The following SYCP2 variants were observed in gnomAD, a reference collection of about 807,000 sequenced individuals.
The protein encoded by SYCP2 is synaptonemal complex lateral element protein.
SYCP2 carries 55 observed loss-of-function variants against 211.3 expected under a neutral mutation model. The observed-to-expected ratio is 0.26, with a 90% CI of 0.21 to 0.33. The LOEUF (loss-of-function observed/expected upper bound fraction) is 0.33. Among genes scored for constraint, SYCP2 ranks in the 10% least tolerant of loss-of-function variants. SYCP2 has a pLI of 1.00. For missense variants in SYCP2, 1,731 were observed against 1,752.0 expected (o/e 0.99, Z 0.21); for synonymous variants, 570 against 555.2 (o/e 1.03, Z -0.37).
chr20:59,922,877 T>C (rs2060567375), intron 2 of SYCP2, among the ~76,000 whole-genome samples: 1 of 151,642 alleles, frequency 6.6e-6, no homozygotes, highest in Non-Finnish European at 1.5e-5. Flanking sequence ...AATATGCAGA[T>C]ATACTAACAA....
intron 2 of SYCP2, among the ~76,000 whole-genome samples, chr20:59,926,314 G>A (rs187586004): frequency 1.3e-4 from 20 of 152,142 alleles, no homozygotes; most frequent in East Asian, 9.7e-4. Context: ...GAGGCAAGAC[G>A]TCTAAAGTAA....
chr20:59,868,358 A>G (rs773500792), intron 38 of SYCP2, 55 bp downstream of exon 38: 10 of 1,561,496 alleles, frequency 6.4e-6, no homozygotes, highest in Non-Finnish European at 7.8e-6. Context: ...CATTCAAAAT[A>G]TAAGAACCAC....
At chr20:59,885,844 T>C (rs1451319957) in intron 26 of SYCP2, 84 bp downstream of exon 26, 11 of 1,044,964 alleles carry the variant, frequency 1.1e-5, no homozygotes, top group Non-Finnish European at 1.4e-5. Flanking sequence ...TCAAATTCCA[T>C]TTTACCACTA....
In SYCP2 at chr20:59,915,141, T is replaced by C. The variant is rs200482405; in HGVS notation, c.634+24A>G. On this transcript the variant is annotated intron_variant, in intron 10 of 44. Transcript: ENST00000357552. The stretch of plus-strand genomic sequence containing the variant: ...GCTATTCATAAATATGGAATAATTT[T>C]AGATTTGGAAAAGACATACTTACCT... 66 of 1,457,120 alleles carry C rather than the reference T, an allele frequency of 4.5e-5. 1 individual carries two copies. In the East Asian group the frequency reaches 1.1e-3, roughly 24 times the overall value. 90.3% of individuals were successfully genotyped at this position (1,457,120 alleles called of 1,614,324 possible).
intron 15 of SYCP2, among the ~76,000 whole-genome samples, chr20:59,906,305 C>T (rs185594411): frequency 5.4e-4 from 82 of 152,178 alleles, no homozygotes; most frequent in African/African-American, 1.9e-3. Flanking sequence ...AGACTAACCA[C>T]AAATCTACCA....
At chr20:59,920,038 A>C (rs2060512176) in intron 5 of SYCP2, among the ~76,000 whole-genome samples, 1 of 151,712 alleles carries the variant, frequency 6.6e-6, no homozygotes, top group Non-Finnish European at 1.5e-5. Flanking sequence ...GACAAAAATC[A>C]ATACCCTACA....
chr20:59,926,917 T>C (rs1452790432), intron 2 of SYCP2, among the ~76,000 whole-genome samples: 1 of 152,160 alleles, frequency 6.6e-6, no homozygotes, highest in African/African-American at 2.4e-5. Flanking sequence ...CTTGCTGAAA[T>C]ATTTTCTCCA....
At chr20:59,926,382 C>T (rs2060634808) in intron 2 of SYCP2, among the ~76,000 whole-genome samples, 1 of 151,992 alleles carries the variant, frequency 6.6e-6, no homozygotes, top group Non-Finnish European at 1.5e-5. Flanking sequence ...CTTTAAGCTT[C>T]TGGTAGCTGC....
chr20:59,868,258 T>TA (rs1246577367), intron 38 of SYCP2, among the ~76,000 whole-genome samples, 155 bp downstream of exon 38: 2 of 151,826 alleles, frequency 1.3e-5, no homozygotes, highest in African/African-American at 4.8e-5. Flanking sequence ...CTACAACAAT[T>TA]ATTCATATAA....
At position 59,911,847 on chromosome 20, in the gene SYCP2, TAATAA is replaced by T. The variant is rs1192782267; in HGVS notation, c.877-7_877-3del. Reference sequence around the variant, plus strand: ...TTTTTCATCTGATGGTATTTGCAGCTAATAAAATAAACATACAAAACTGGAATATA... The same window carrying T: ...TTTTTCATCTGATGGTATTTGCAGCTAATAAACATACAAAACTGGAATATA... On this transcript the variant is annotated splice_polypyrimidine_tract_variant and splice_region_variant and intron_variant, in intron 13 of 44. Coordinates refer to ENST00000357552, the MANE Select transcript of SYCP2 (RefSeq NM_014258.4). 1 of 1,516,996 alleles carries T rather than the reference TAATAA, an allele frequency of 6.6e-7. No individual in the cohort carries two copies. Among genetic ancestry groups the T allele is most frequent in the Non-Finnish European group, 9.0e-7 (1 of 1,105,784 alleles). 94.0% of individuals were successfully genotyped at this position (1,516,996 alleles called of 1,614,324 possible). A position where few individuals can be genotyped will look rare whatever the true frequency, so the allele number is the denominator to read the frequency against.
intron 1 of SYCP2, among the ~76,000 whole-genome samples, chr20:59,933,073 AC>A (rs369161583): frequency 6.6e-6 from 1 of 151,014 alleles, no homozygotes; most frequent in Non-Finnish European, 1.5e-5. Flanking sequence ...CGCAGCGCCA[AC>A]CCCCCTTCAG....
Position 59,907,439 on chromosome 20 carries a change from C to A in SYCP2, c.973-15G>T. On this transcript the variant is annotated splice_polypyrimidine_tract_variant and intron_variant, in intron 14 of 44. Coordinates refer to ENST00000357552, the MANE Select transcript of SYCP2 (RefSeq NM_014258.4). ...CATTGATGATCCTTAAATTTAAAAG[C>A]AGGTTTTGGCCATAAATAATTTATT... 1 of 1,601,404 alleles carries A rather than the reference C, an allele frequency of 6.2e-7. No homozygotes were observed. Among genetic ancestry groups the A allele is most frequent in the Non-Finnish European group, 8.5e-7 (1 of 1,172,940 alleles).
chr20:59,867,035 AG>A (rs758670944), intron 39 of SYCP2, among the ~76,000 whole-genome samples: 1,569 of 134,824 alleles, frequency 0.012, 10 homozygotes, highest in Non-Finnish European at 0.019. Context: ...AAAAAAAAAA[AG>A]AAACAGAAAA....
intron 26 of SYCP2, chr20:59,885,023 G>C (rs1471349305): frequency 6.6e-6 from 1 of 151,994 alleles, no homozygotes; most frequent in Non-Finnish European, 1.5e-5. Flanking sequence ...AATCAGATAA[G>C]AGGGTGAGAG....
At chr20:59,892,928 CTCAT>C (rs1222762443) in intron 22 of SYCP2, among the ~76,000 whole-genome samples, 2 of 151,784 alleles carry the variant, frequency 1.3e-5, no homozygotes, top group African/African-American at 4.8e-5. Context: ...TTTTAAAAAT[CTCAT>C]TCATTTTAAG....
At chr20:59,926,822 A>AC (rs11480316) in intron 2 of SYCP2, among the ~76,000 whole-genome samples, 4,196 of 152,246 alleles carry the variant, frequency 0.028, 183 homozygotes, top group African/African-American at 0.094. Flanking sequence ...AGCCTGGGTT[A>AC]CCCCCTTGCA....
At chr20:59,914,952 A>G (rs1222133298) in intron 10 of SYCP2, among the ~76,000 whole-genome samples, 3 of 152,020 alleles carry the variant, frequency 2.0e-5, no homozygotes, top group Non-Finnish European at 4.4e-5. Context: ...TAAGTCTACC[A>G]TTAGGCACAA....
chr20:59,864,455 T>TA (rs2059290822), intron 44 of SYCP2, 67 bp from the exon 45 acceptor site: 8 of 1,069,352 alleles, frequency 7.5e-6, no homozygotes, highest in South Asian at 3.2e-5. Context: ...CCAAATAAAA[T>TA]AGAAAAAAAA....
At chr20:59,865,485 T>C in intron 43 of SYCP2, 41 bp from the exon 44 acceptor site, 1 of 1,591,530 alleles carries the variant, frequency 6.3e-7, no homozygotes, top group Admixed American at 1.8e-5. Context: ...AAATTTACCA[T>C]AAAGTTTTCA....
Sources: gnomAD v4.1 joint callset for allele counts (sites outside exome capture counted in the v4.1 genomes callset) on GRCh38, gnomAD v4.1.1 for gene constraint, MANE v1.5 for transcripts, NCBI Gene and HGNC (gene_info 2026-07-23, HGNC 2026-07-21) for gene names.